DLG2: variants seen among roughly 807,000 people sequenced by gnomAD.
DLG2 encodes the protein disks large homolog 2.
A neutral mutation model predicts 132.5 loss-of-function variants in DLG2; 45 were observed. That is an observed-to-expected ratio of 0.34 (90% confidence interval 0.27 to 0.44). The LOEUF is 0.44. DLG2 is among the 20% of genes least tolerant of loss of function. The pLI, the probability that DLG2 is intolerant of heterozygous loss-of-function variation, is 1.00. For missense variants in DLG2, 1,045 were observed against 1,196.9 expected (o/e 0.87, Z 1.87); for synonymous variants, 424 against 419.6 (o/e 1.01, Z -0.13).
At chr11:85,535,055 A>T (rs1414544836) in intron 3 of DLG2, among the ~76,000 whole-genome samples, 2 of 151,970 alleles carry the variant, frequency 1.3e-5, no homozygotes, top group Non-Finnish European at 2.9e-5. Context: ...ATGGTATCTC[A>T]CTGTGGTTTT....
At chr11:84,926,172 A>G (rs562030752) in intron 6 of DLG2, among the ~76,000 whole-genome samples, 2 of 152,146 alleles carry the variant, frequency 1.3e-5, no homozygotes, top group African/African-American at 2.4e-5. Context: ...CACATTTAAA[A>G]TGCTCAACCT....
intron 20 of DLG2, among the ~76,000 whole-genome samples, chr11:83,533,287 T>C (rs538120907): frequency 6.6e-6 from 1 of 152,320 alleles, no homozygotes; most frequent in East Asian, 1.9e-4. Context: ...TGTCCTTCTG[T>C]CATCTCTGCA....
chr11:85,605,070 C>T (rs1368449484), intron 2 of DLG2, among the ~76,000 whole-genome samples: 2 of 152,074 alleles, frequency 1.3e-5, no homozygotes, highest in African/African-American at 2.4e-5. Context: ...GAAAATAAAG[C>T]ATTTAGAATA....
intron 8 of DLG2, among the ~76,000 whole-genome samples, chr11:84,203,474 T>C (rs1256918437): frequency 2.0e-5 from 3 of 149,282 alleles, no homozygotes; most frequent in African/African-American, 5.0e-5. Context: ...TCCAGCTACT[T>C]GGGAGGCTGG....
chr11:85,509,040 G>GT (rs1262644576), intron 3 of DLG2, among the ~76,000 whole-genome samples: 1 of 151,980 alleles, frequency 6.6e-6, no homozygotes, highest in East Asian at 1.9e-4. Context: ...GTGAATATGG[G>GT]TTTTTATTGT....
chr11:85,463,874 T>C (rs2092695194), intron 3 of DLG2, among the ~76,000 whole-genome samples: 1 of 151,978 alleles, frequency 6.6e-6, no homozygotes, highest in Admixed American at 6.6e-5. Context: ...TTTAGAATTA[T>C]ATCAATGGCA....
intron 7 of DLG2, among the ~76,000 whole-genome samples, chr11:84,498,945 C>A (rs1023853484): frequency 5.2e-4 from 79 of 152,162 alleles, no homozygotes; most frequent in African/African-American, 1.9e-3. Flanking sequence ...GTCCAATACA[C>A]TGAAGGATGA....
chr11:84,720,435 C>T, intron 6 of DLG2: 1 of 985,386 alleles, frequency 1.0e-6, no homozygotes. Flanking sequence ...CGCTGGGGGA[C>T]CCAAACGCTG....
At chr11:85,189,301 T>TAAAA (rs1011299296) in intron 4 of DLG2, among the ~76,000 whole-genome samples, 1 of 151,808 alleles carries the variant, frequency 6.6e-6, no homozygotes, top group African/African-American at 2.4e-5. Flanking sequence ...TGAACAAAAA[T>TAAAA]AAAAAAAATT....
intron 6 of DLG2, among the ~76,000 whole-genome samples, chr11:84,586,150 C>A (rs1440491094): frequency 7.2e-3 from 959 of 133,022 alleles, no homozygotes; most frequent in East Asian, 8.6e-3. Flanking sequence ...GATTCTGACT[C>A]AAAAAAAAAA....
intron 6 of DLG2, among the ~76,000 whole-genome samples, chr11:84,777,649 A>G (rs2070911558): frequency 6.6e-6 from 1 of 151,970 alleles, no homozygotes. Context: ...TTGTTTCTTT[A>G]AAAACAGCCA....
chr11:84,628,636 T>C (rs901659077), intron 6 of DLG2, among the ~76,000 whole-genome samples: 9 of 152,196 alleles, frequency 5.9e-5, no homozygotes, highest in Admixed American at 3.9e-4. Context: ...ACTTCAAGTC[T>C]TTCTCAGAAG....
chr11:84,470,971 C>T (rs970551907), intron 7 of DLG2, among the ~76,000 whole-genome samples: 2 of 151,598 alleles, frequency 1.3e-5, no homozygotes, highest in African/African-American at 4.8e-5. Flanking sequence ...GACAGGGAGC[C>T]CTCCCTATTT....
rs532312210 is a variant in DLG2 at position 85,577,655 on chromosome 11, T to C, written c.40+21002A>G. On this transcript the variant is annotated intron_variant, in intron 3 of 27. Transcript: ENST00000376104. ...AATTTGGGAGTCATAAGCCAATAGA[T>C]ATTTAAAACCATGGGATTGAATGAA... is the stretch of plus-strand genomic sequence containing the variant. 2.0e-5 allele frequency among the ~76,000 whole-genome samples: 3 copies of C among 152,196 alleles called. No individual in the cohort carries two copies. In the South Asian group the frequency reaches 6.2e-4, roughly 32 times the overall value.
intron 6 of DLG2, chr11:84,545,546 G>T: frequency 2.6e-6 from 1 of 384,714 alleles, no homozygotes; most frequent in South Asian, 2.2e-5. Flanking sequence ...GCTTTGACAG[G>T]GATGAATTTA....
intron 9 of DLG2, among the ~76,000 whole-genome samples, chr11:84,118,837 G>A (rs2093766411): frequency 6.6e-6 from 1 of 152,144 alleles, no homozygotes; most frequent in Non-Finnish European, 1.5e-5. Flanking sequence ...TGAAGTCCAA[G>A]GGTAAGCAGA....
intron 7 of DLG2, among the ~76,000 whole-genome samples, chr11:84,370,290 A>G (rs1453713997): frequency 6.6e-6 from 1 of 152,164 alleles, no homozygotes; most frequent in African/African-American, 2.4e-5. Flanking sequence ...TAAAATCCTT[A>G]TGAAAATTTG....
chr11:84,799,902 G>A (rs1287725844), intron 6 of DLG2, among the ~76,000 whole-genome samples: 1 of 152,156 alleles, frequency 6.6e-6, no homozygotes, highest in Non-Finnish European at 1.5e-5. Flanking sequence ...TGGAACCAGT[G>A]TCTAGCTGAA....
intron 6 of DLG2, among the ~76,000 whole-genome samples, chr11:84,843,949 A>G (rs2081041641): frequency 6.6e-6 from 1 of 150,886 alleles, no homozygotes; most frequent in Admixed American, 6.6e-5. Context: ...TGTCCTATTT[A>G]TATACATATA....
Sources: gnomAD v4.1 joint callset for allele counts (sites outside exome capture counted in the v4.1 genomes callset) on GRCh38, gnomAD v4.1.1 for gene constraint, MANE v1.5 for transcripts, NCBI Gene and HGNC (gene_info 2026-07-23, HGNC 2026-07-21) for gene names.